The following HEMK2 variants were observed in gnomAD, a reference collection of about 807,000 sequenced individuals.
The protein encoded by HEMK2 is methyltransferase HEMK2.
At chr21:28,665,945 CT>C in the HEMK2 span, among the ~76,000 whole-genome samples, 1 of 152,110 alleles carries the variant, frequency 6.6e-6, no homozygotes, top group Non-Finnish European at 1.5e-5. Context: ...GCCTTGCCAA[CT>C]GCTTATGTAA....
chr21:28,780,393 G>C, the HEMK2 span, among the ~76,000 whole-genome samples: 1 of 132,504 alleles, frequency 7.5e-6, no homozygotes, highest in African/African-American at 3.4e-5. Context: ...TAGCCAGGAT[G>C]GTCTCCATCT....
chr21:28,784,936 A>G, the HEMK2 span, among the ~76,000 whole-genome samples: 9,646 of 152,208 alleles, frequency 0.063, 469 homozygotes, highest in African/African-American at 0.14. Flanking sequence ...CTGCCTTATG[A>G]GCTATAACAC....
chr21:28,763,986 T>C, the HEMK2 span, among the ~76,000 whole-genome samples: 3 of 152,214 alleles, frequency 2.0e-5, no homozygotes, highest in African/African-American at 7.2e-5. Context: ...ACAACAACTC[T>C]GAAGCATGTT....
chr21:28,711,774 C>A, the HEMK2 span, among the ~76,000 whole-genome samples: 1 of 152,082 alleles, frequency 6.6e-6, no homozygotes, highest in Admixed American at 6.5e-5. Context: ...GATATCCTAG[C>A]GAGGGTAGCT....
the HEMK2 span, among the ~76,000 whole-genome samples, chr21:28,808,099 G>C: frequency 2.6e-3 from 398 of 152,178 alleles, 2 homozygotes; most frequent in Non-Finnish European, 3.4e-3. Flanking sequence ...GAGACACAAG[G>C]AAGATGATGA....
At chr21:28,713,838 A>G in the HEMK2 span, among the ~76,000 whole-genome samples, 6 of 152,226 alleles carry the variant, frequency 3.9e-5, no homozygotes, top group Non-Finnish European at 7.3e-5. Context: ...TTTCAATTAT[A>G]TGTTACCTTG....
chr21:28,626,471 T>C, the HEMK2 span: 1 of 152,104 alleles, frequency 6.6e-6, no homozygotes, highest in African/African-American at 2.4e-5. Flanking sequence ...ATATTTGAAA[T>C]ACATATATTC....
chr21:28,582,763 TTGTCACAA>T, the HEMK2 span, among the ~76,000 whole-genome samples: 1 of 152,244 alleles, frequency 6.6e-6, no homozygotes, highest in African/African-American at 2.4e-5. Flanking sequence ...AGCCAGGCTG[TTGTCACAA>T]TGTCATTGCC....
chr21:28,728,796 T>G, the HEMK2 span, among the ~76,000 whole-genome samples: 1 of 152,216 alleles, frequency 6.6e-6, no homozygotes, highest in Admixed American at 6.5e-5. Context: ...TTTTAACAGA[T>G]TCTGAAATAG....
chr21:28,833,825 C>T, the HEMK2 span, among the ~76,000 whole-genome samples: 1 of 152,144 alleles, frequency 6.6e-6, no homozygotes, highest in Non-Finnish European at 1.5e-5. Context: ...GCTTCCTCAT[C>T]TGTAAAATGG....
At chr21:28,588,564 A>G in the HEMK2 span, among the ~76,000 whole-genome samples, 4 of 152,224 alleles carry the variant, frequency 2.6e-5, no homozygotes, top group Admixed American at 6.5e-5. Context: ...CAAACCAGAA[A>G]CAAAAGAAGA....
At chr21:28,669,113 C>T in the HEMK2 span, among the ~76,000 whole-genome samples, 2 of 152,174 alleles carry the variant, frequency 1.3e-5, no homozygotes, top group Non-Finnish European at 2.9e-5. Context: ...TAATCCAGCA[C>T]TTTGGGAGGC....
At chr21:28,586,506 A>G in the HEMK2 span, among the ~76,000 whole-genome samples, 1 of 151,992 alleles carries the variant, frequency 6.6e-6, no homozygotes, top group Non-Finnish European at 1.5e-5. Context: ...CCCCCATGGT[A>G]ACAACGAATC....
chr21:28,711,174 G>A, the HEMK2 span, among the ~76,000 whole-genome samples: 33 of 152,010 alleles, frequency 2.2e-4, no homozygotes, highest in African/African-American at 6.3e-4. Flanking sequence ...CACTCCCTTC[G>A]GATAATATCC....
the HEMK2 span, among the ~76,000 whole-genome samples, chr21:28,711,264 TA>T: frequency 1.3e-5 from 2 of 152,186 alleles, no homozygotes; most frequent in Non-Finnish European, 2.9e-5. Context: ...ATATGAGCAA[TA>T]AATAAGAAAA....
chr21:28,785,901 A>C, the HEMK2 span, among the ~76,000 whole-genome samples: 5 of 152,248 alleles, frequency 3.3e-5, no homozygotes, highest in East Asian at 9.6e-4. Context: ...AAATTTTATC[A>C]GTCAACTCAT....
chr21:28,778,247 T>C, the HEMK2 span, among the ~76,000 whole-genome samples: 11 of 152,368 alleles, frequency 7.2e-5, no homozygotes, highest in African/African-American at 2.6e-4. Context: ...CTTTTTTCTA[T>C]CAGCCTAATT....
the HEMK2 span, among the ~76,000 whole-genome samples, chr21:28,667,169 A>G: frequency 6.6e-6 from 1 of 152,190 alleles, no homozygotes; most frequent in African/African-American, 2.4e-5. Context: ...CTCTTATTTT[A>G]CATAATTTTT....
the HEMK2 span, among the ~76,000 whole-genome samples, chr21:28,615,979 C>A: frequency 6.6e-6 from 1 of 152,066 alleles, no homozygotes; most frequent in Non-Finnish European, 1.5e-5. Context: ...AAAAAATAAT[C>A]ATAACTAATA....
Sources: gnomAD v4.1 joint callset for allele counts (sites outside exome capture counted in the v4.1 genomes callset) on GRCh38, gnomAD v4.1.1 for gene constraint, MANE v1.5 for transcripts, NCBI Gene and HGNC (gene_info 2026-07-23, HGNC 2026-07-21) for gene names.